MYOM3: variants seen among roughly 807,000 people sequenced by gnomAD.
MYOM3 encodes myomesin-3.
Under a neutral mutation model 191.7 loss-of-function variants are expected in MYOM3, and 155 were observed. The observed-to-expected ratio is 0.81, with a 90% CI of 0.71 to 0.92. The LOEUF (loss-of-function observed/expected upper bound fraction) is 0.92, where lower values mean the gene tolerates loss of function less well. Among genes scored for constraint, MYOM3 ranks in the 40% least tolerant of loss-of-function variants. MYOM3 has a pLI of 0.00. For missense variants in MYOM3, 1,889 were observed against 1,890.6 expected (o/e 1.00, Z 0.02); for synonymous variants, 757 against 762.9 (o/e 0.99, Z 0.13).
At position 24,096,716 on chromosome 1, in the gene MYOM3, G is replaced by A. The variant is rs866648611; in HGVS notation, c.745+1207C>T. 2.6e-5 allele frequency among the ~76,000 whole-genome samples: 4 copies of A among 152,104 alleles called. No homozygotes were observed. The South Asian group carries it at 6.2e-4, about 24-fold the overall frequency. ...CTCAGGAGTGTGTGTATGAGTGCGCGTGTGTGTATGAGTGCACGTGTGTGT... is the reference window on the plus strand; with the variant it reads ...CTCAGGAGTGTGTGTATGAGTGCGCATGTGTGTATGAGTGCACGTGTGTGT... On this transcript the variant is annotated intron_variant, in intron 7 of 36. Transcript: ENST00000374434.
intron 5 of MYOM3, among the ~76,000 whole-genome samples, chr1:24,104,656 A>G (rs998048966): frequency 2.1e-4 from 32 of 152,002 alleles, no homozygotes; most frequent in Non-Finnish European, 1.8e-4. Flanking sequence ...TTGTATTTTT[A>G]GTAGAGACAG....
At chr1:24,092,388 C>T in intron 10 of MYOM3, 73 bp from the exon 11 acceptor site, 1 of 1,272,680 alleles carries the variant, frequency 7.9e-7, no homozygotes, top group Non-Finnish European at 1.0e-6. Context: ...CCACTCCCGC[C>T]CAGCATCCTC....
intron 5 of MYOM3, among the ~76,000 whole-genome samples, chr1:24,100,123 C>T (rs954740685): frequency 2.6e-5 from 4 of 152,140 alleles, no homozygotes; most frequent in African/African-American, 7.2e-5. Context: ...CCCGCCTCAG[C>T]CTCCTAAAGT....
intron 14 of MYOM3, 78 bp downstream of exon 14, chr1:24,089,460 C>T: frequency 6.7e-7 from 1 of 1,488,718 alleles, no homozygotes. Context: ...GACGGCCTCC[C>T]CAGGGGACAC....
intron 5 of MYOM3, among the ~76,000 whole-genome samples, chr1:24,101,204 C>G (rs955403924): frequency 6.6e-6 from 1 of 152,068 alleles, no homozygotes; most frequent in Non-Finnish European, 1.5e-5. Flanking sequence ...TCTCACATGC[C>G]GAAGTTCAGG....
At chr1:24,077,647 G>T (rs1643618215) in intron 20 of MYOM3, among the ~76,000 whole-genome samples, 1 of 152,222 alleles carries the variant, frequency 6.6e-6, no homozygotes, top group Non-Finnish European at 1.5e-5. Flanking sequence ...ACGCAGTATT[G>T]TTATTGCCTG....
chr1:24,094,794 G>A, intron 9 of MYOM3, 59 bp downstream of exon 9: 2 of 1,539,238 alleles, frequency 1.3e-6, no homozygotes, highest in Non-Finnish European at 1.8e-6. Flanking sequence ...CTCTGGCTCT[G>A]AGTTGAGCTT....
chr1:24,110,124 CT>C (rs541678127), intron 1 of MYOM3, among the ~76,000 whole-genome samples: 29 of 152,348 alleles, frequency 1.9e-4, no homozygotes, highest in African/African-American at 6.0e-4. Flanking sequence ...GAGGGCCCCC[CT>C]GATGCTAAAG....
intron 27 of MYOM3, among the ~76,000 whole-genome samples, chr1:24,067,653 G>T (rs1350395121): frequency 6.6e-6 from 1 of 151,910 alleles, no homozygotes; most frequent in Non-Finnish European, 1.5e-5. Flanking sequence ...ATAGAGATAG[G>T]GTTTCACCAT....
chr1:24,099,656 G>T, intron 6 of MYOM3, 24 bp downstream of exon 6: 2 of 1,579,904 alleles, frequency 1.3e-6, no homozygotes, highest in South Asian at 2.2e-5. Context: ...GGGGTCATAG[G>T]TCTCTCCAGG....
intron 18 of MYOM3, 175 bp downstream of exon 18, chr1:24,081,826 G>A (rs562043212): frequency 4.6e-6 from 3 of 653,256 alleles, no homozygotes; most frequent in African/African-American, 3.7e-5. Context: ...CTCAAGCTTG[G>A]TGGCTCTAAA....
intron 25 of MYOM3, among the ~76,000 whole-genome samples, chr1:24,070,853 G>A (rs192526981): frequency 2.0e-5 from 3 of 152,222 alleles, no homozygotes; most frequent in Admixed American, 6.5e-5. Flanking sequence ...AGAAGTTGTG[G>A]GGGGTGTGGG....
chr1:24,094,048 C>T (rs1643865543), intron 9 of MYOM3, among the ~76,000 whole-genome samples: 1 of 152,186 alleles, frequency 6.6e-6, no homozygotes, highest in Non-Finnish European at 1.5e-5. Flanking sequence ...TGTATCTGCA[C>T]CACCACCCTG....
chr1:24,096,409 G>A (rs1643878556), intron 7 of MYOM3, among the ~76,000 whole-genome samples: 1 of 152,230 alleles, frequency 6.6e-6, no homozygotes, highest in Non-Finnish European at 1.5e-5. Flanking sequence ...CAGCCTTGAT[G>A]GAGAGAGGGA....
intron 29 of MYOM3, among the ~76,000 whole-genome samples, chr1:24,065,555 G>A (rs1643423728): frequency 6.6e-6 from 1 of 152,180 alleles, no homozygotes; most frequent in African/African-American, 2.4e-5. Flanking sequence ...GAAAGCTGAG[G>A]TCAGAGAGCG....
rs1476905464 is a variant in MYOM3, at chr1:24,062,082, C to G, written c.3798G>C (p.Arg1266=). ...HKDKRLESGD[R]IRTGTTLDEI... The stretch of plus-strand genomic sequence containing the variant: ...CATCCAGGGTGGTGCCCGTCCTTAT[C>G]CGATCACCACTCTCCAGACGTTTGT... Residue 1266 remains arginine, a synonymous_variant, in exon 33 of 37, where the codon CGG becomes CGC. Transcript: ENST00000374434. The G allele has an allele frequency of 6.2e-7, 1 of 1,614,152 alleles. No individual in the cohort carries two copies. Among genetic ancestry groups the G allele is most frequent in the South Asian group, 1.1e-5 (1 of 91,076 alleles).
At chr1:24,060,630 T>C (rs1643358863) in intron 35 of MYOM3, among the ~76,000 whole-genome samples, 1 of 152,122 alleles carries the variant, frequency 6.6e-6, no homozygotes, top group Admixed American at 6.5e-5. Context: ...ATGGACTTGG[T>C]GGTGGCTCCC....
rs1354354974 is a variant in MYOM3 at position 24,086,763 on chromosome 1, A to T, written c.1679T>A (p.Phe560Tyr). ...CTTTTTCTCCAGGTCCAGAACGGCG[A>T]ATCTCGGGGATCTCACAGGGCTTTC... ...SSESPVRSPR[F>Y]AVLDLEKKKS... is the part of the protein sequence containing the mutation. Residue 560 changes from phenylalanine (F) to tyrosine (Y), a missense_variant, in exon 15 of 37, where the codon TTC (phenylalanine) becomes TAC (tyrosine). Phe to Tyr is a conservative substitution (Grantham distance 22). Coordinates refer to ENST00000374434, the MANE Select transcript of MYOM3 (RefSeq NM_152372.4). 1 of 1,614,112 alleles carries T rather than the reference A, an allele frequency of 6.2e-7. No homozygotes were observed. The highest frequency in any genetic ancestry group is 8.5e-7 in the Non-Finnish European group (1 of 1,180,010).
At chr1:24,057,663 C>T (rs1557598441) in intron 36 of MYOM3, 36 bp from the exon 37 acceptor site, 3 of 1,597,852 alleles carry the variant, frequency 1.9e-6, no homozygotes, top group Non-Finnish European at 1.7e-6. Flanking sequence ...AGTCTCACCT[C>T]CTTGTAACTT....
Sources: allele counts gnomAD v4.1 joint callset (sites outside exome capture counted in the v4.1 genomes callset), GRCh38; gene constraint gnomAD v4.1.1; transcripts MANE v1.5; gene names NCBI Gene and HGNC (gene_info 2026-07-23, HGNC 2026-07-21).